Variants in ACSF2 observed in about 807,000 individuals in gnomAD.
The protein encoded by ACSF2 is medium-chain acyl-CoA ligase ACSF2, mitochondrial.
Under a neutral mutation model 79.3 loss-of-function variants are expected in ACSF2, and 52 were observed. The ratio of observed to expected loss-of-function variants is 0.66; its 90% CI spans 0.53 to 0.83. The LOEUF is 0.83. Among genes scored for constraint, ACSF2 ranks in the 40% least tolerant of loss-of-function variants. The pLI, the probability that ACSF2 is intolerant of heterozygous loss-of-function variation, is 0.00. For synonymous variants in ACSF2, 283 were observed against 312.6 expected (o/e 0.91, Z 1.00); for missense variants, 661 against 803.3 (o/e 0.82, Z 2.14).
At chr17:50,449,268 C>T (rs903592326) in intron 1 of ACSF2, among the ~76,000 whole-genome samples, 2 of 152,004 alleles carry the variant, frequency 1.3e-5, no homozygotes, top group Non-Finnish European at 2.9e-5. Flanking sequence ...CTGCCTCCCT[C>T]GGCCTCCCAA....
In ACSF2 at chr17:50,426,390, G is replaced by T; in HGVS notation, c.128+1G>T. On this transcript the variant is annotated splice_donor_variant, in intron 1 of 15. Transcript: ENST00000300441. LOFTEE classifies it high-confidence loss of function. The stretch of plus-strand genomic sequence containing the variant: ...GGTTGCAGGGTGTCCGCTTCCTCAG[G>T]TACTGGCCCCCCGCGGGAAGAGAGG... 1 of 1,339,882 alleles carries T rather than the reference G, an allele frequency of 7.5e-7. No homozygotes were observed. Among genetic ancestry groups the T allele is most frequent in the Non-Finnish European group, 9.6e-7 (1 of 1,038,352 alleles). 83.0% of individuals were successfully genotyped at this position (1,339,882 alleles called of 1,614,324 possible).
At chr17:50,444,040 A>G (rs973907424) in intron 1 of ACSF2, among the ~76,000 whole-genome samples, 2 of 152,220 alleles carry the variant, frequency 1.3e-5, no homozygotes, top group African/African-American at 4.8e-5. Context: ...TATCATGGAA[A>G]TTTGAAATTA....
chr17:50,452,314 A>G (rs1165845194), intron 1 of ACSF2, among the ~76,000 whole-genome samples: 2 of 152,050 alleles, frequency 1.3e-5, no homozygotes, highest in Non-Finnish European at 2.9e-5. Context: ...AATTCCTAAA[A>G]CCAAATCCCT....
intron 1 of ACSF2, among the ~76,000 whole-genome samples, chr17:50,458,811 G>T (rs1368093385): frequency 6.6e-6 from 1 of 152,232 alleles, no homozygotes; most frequent in Admixed American, 6.5e-5. Context: ...AAGAGAGGCT[G>T]CCTTAACCCA....
In ACSF2 at chr17:50,464,218, G is replaced by C; in HGVS notation, c.1139G>C (p.Gly380Ala). 3.1e-6 allele frequency: 5 copies of C among 1,614,112 alleles called. No individual in the cohort carries two copies. The highest frequency in any genetic ancestry group is 4.2e-6 in the Non-Finnish European group (5 of 1,180,014). ...SSYDISTMCG[G>A]VIAGSPAPPE... ...TGTGTCAGCCCTCTCTCTGATTCAGGTGTCATTGCTGGGTCCCCTGCACCT... is the reference window on the plus strand; with the variant it reads ...TGTGTCAGCCCTCTCTCTGATTCAGCTGTCATTGCTGGGTCCCCTGCACCT... Residue 380 changes from glycine to alanine, a missense_variant and splice_region_variant, in exon 10 of 16, where the codon GGT becomes GCT. Gly to Ala is a moderately conservative substitution (Grantham distance 60). Coordinates refer to ENST00000300441, the MANE Select transcript of ACSF2 (RefSeq NM_025149.6).
intron 1 of ACSF2, among the ~76,000 whole-genome samples, chr17:50,429,785 TGGGATTACA>T (rs201891836): frequency 0.018 from 2,740 of 152,322 alleles, 81 homozygotes; most frequent in African/African-American, 0.062. Context: ...CCTAAAGTGC[TGGGATTACA>T]GGCGTGAGCC....
intron 1 of ACSF2, among the ~76,000 whole-genome samples, chr17:50,429,762 C>G (rs1229646587): frequency 1.3e-5 from 2 of 152,104 alleles, no homozygotes; most frequent in Admixed American, 1.3e-4. Flanking sequence ...AAGTAATCCA[C>G]CTGCCTCAGC....
At chr17:50,445,205 G>A (rs184574546) in intron 1 of ACSF2, among the ~76,000 whole-genome samples, 11 of 152,154 alleles carry the variant, frequency 7.2e-5, no homozygotes, top group African/African-American at 1.9e-4. Context: ...ATGAGCTACC[G>A]TGCCTGACTT....
At chr17:50,426,982 A>G in intron 1 of ACSF2, 7 of 1,535,718 alleles carry the variant, frequency 4.6e-6, no homozygotes, top group Middle Eastern at 3.3e-4. Context: ...GCAGCACAGT[A>G]AGTAAAGCTG....
chr17:50,451,648 T>C (rs2031683701), intron 1 of ACSF2, among the ~76,000 whole-genome samples: 1 of 152,144 alleles, frequency 6.6e-6, no homozygotes, highest in Non-Finnish European at 1.5e-5. Context: ...CAAGGTTTCA[T>C]CATATTGGCC....
Position 50,440,380 on chromosome 17 carries a change from C to T in ACSF2, c.128+13991C>T, listed in dbSNP as rs533875370. 2.1e-4 allele frequency among the ~76,000 whole-genome samples: 32 copies of T among 152,298 alleles called. No homozygotes were observed. The East Asian group carries it at 5.2e-3, about 25-fold the overall frequency. ...CAGGGCCTGAGGCATTTCCACCCCCCGACAGGGGCAGGGTCCACCTGTAAA... is the reference window on the plus strand; with the variant it reads ...CAGGGCCTGAGGCATTTCCACCCCCTGACAGGGGCAGGGTCCACCTGTAAA... On this transcript the variant is annotated intron_variant, in intron 1 of 15. Coordinates refer to ENST00000300441, the MANE Select transcript of ACSF2 (RefSeq NM_025149.6).
chr17:50,448,939 A>G (rs2031472493), intron 1 of ACSF2, among the ~76,000 whole-genome samples: 1 of 151,976 alleles, frequency 6.6e-6, no homozygotes, highest in Admixed American at 6.6e-5. Flanking sequence ...TTTTGATTCT[A>G]ACAACTTTTT....
chr17:50,428,152 G>A (rs878976160), intron 1 of ACSF2, among the ~76,000 whole-genome samples: 7 of 152,156 alleles, frequency 4.6e-5, no homozygotes, highest in Admixed American at 3.9e-4. Context: ...TCATGCCACT[G>A]CACTCTAGCC....
Position 50,474,308 on chromosome 17 carries a change from C to CTGGGGCCCTA in ACSF2, c.1797+49_1797+50insTATGGGGCCC. The CTGGGGCCCTA allele has an allele frequency of 6.2e-7, 1 of 1,610,986 alleles. No individual in the cohort carries two copies. Among genetic ancestry groups the CTGGGGCCCTA allele is most frequent in the Non-Finnish European group, 8.5e-7 (1 of 1,177,258 alleles). ...GAGGCTGGGGAGGGCAGCCTGGGCT[C>CTGGGGCCCTA]TGGGGCCCCATAGGGCCCCACCTCT... On this transcript the variant is annotated intron_variant, in intron 15 of 15. Coordinates refer to ENST00000300441, the MANE Select transcript of ACSF2 (RefSeq NM_025149.6). This position sits in a 1 kb window ranked among gnomAD's most constrained non-coding sequence, Gnocchi z 4.2.
chr17:50,469,085 C>T, intron 10 of ACSF2: 1 of 1,223,122 alleles, frequency 8.2e-7, no homozygotes. Context: ...CCCCCGAGCC[C>T]CGAGCCCTGA....
At position 50,468,673 on chromosome 17, in the gene ACSF2, G is replaced by A. The variant is rs748355739; in HGVS notation, c.1216-2355G>A. 23 of 1,614,070 alleles carry A rather than the reference G, an allele frequency of 1.4e-5. No individual in the cohort carries two copies. In the South Asian group the frequency reaches 2.1e-4, roughly 15 times the overall value. On this transcript the variant is annotated intron_variant, in intron 10 of 15. Transcript: ENST00000300441. ...GCAGCTTGGTCTTCTCTGACACCTT[G>A]GGGATCTTCTGCAGCCCCACCTTGT...
At chr17:50,447,543 A>AAATAATAAT (rs57403403) in intron 1 of ACSF2, among the ~76,000 whole-genome samples, 85 of 150,620 alleles carry the variant, frequency 5.6e-4, no homozygotes, top group Middle Eastern at 3.4e-3. Flanking sequence ...CTCTGTCTCA[A>AAATAATAAT]AATAATAATA....
intron 1 of ACSF2, among the ~76,000 whole-genome samples, chr17:50,428,226 C>T (rs1915187592): frequency 6.6e-6 from 1 of 152,250 alleles, no homozygotes; most frequent in Non-Finnish European, 1.5e-5. Flanking sequence ...TGGCTCATGC[C>T]TGTAATCCCA....
chr17:50,452,934 T>G, intron 1 of ACSF2, among the ~76,000 whole-genome samples: 1 of 152,184 alleles, frequency 6.6e-6, no homozygotes, highest in East Asian at 1.9e-4. Context: ...TTAGTAGAAA[T>G]TGTGGAATAA....
Sources: gnomAD v4.1 joint callset for allele counts (sites outside exome capture counted in the v4.1 genomes callset) on GRCh38, gnomAD v4.1.1 for gene constraint, Gnocchi (gnomAD v3.1) non-coding constraint, MANE v1.5 for transcripts, NCBI Gene and HGNC (gene_info 2026-07-23, HGNC 2026-07-21) for gene names.